ARID2: variants seen among roughly 807,000 people sequenced by gnomAD.
ARID2 encodes AT-rich interactive domain-containing protein 2.
In ARID2, 32 loss-of-function variants were observed where a neutral mutation model predicts 184.6. That is an observed-to-expected ratio of 0.17 (90% CI 0.13 to 0.23). ARID2 has a LOEUF of 0.23. ARID2 is among the 10% of genes least tolerant of loss of function. ARID2 has a pLI of 1.00. For synonymous variants in ARID2, 836 were observed against 772.6 expected, an observed-to-expected ratio of 1.08 and a Z score of -1.36; for missense variants, 1,696 against 2,197.6, an observed-to-expected ratio of 0.77 and a Z score of 4.56.
At chr12:45,821,284 T>C (rs915058331) in intron 5 of ARID2, 136 bp from the exon 6 acceptor site, 38 of 455,880 alleles carry the variant, frequency 8.3e-5, no homozygotes, top group Admixed American at 2.6e-4. Context: ...GACTATCATT[T>C]ACTATAAAAT....
At chr12:45,792,942 T>G (rs190250459) in intron 3 of ARID2, among the ~76,000 whole-genome samples, 29 of 152,326 alleles carry the variant, frequency 1.9e-4, no homozygotes, top group Non-Finnish European at 3.4e-4. Context: ...AATTGGAGGA[T>G]CTTTTTAAAA....
At chr12:45,791,372 A>T (rs551040670) in intron 3 of ARID2, among the ~76,000 whole-genome samples, 1 of 152,342 alleles carries the variant, frequency 6.6e-6, no homozygotes, top group South Asian at 2.1e-4. Flanking sequence ...ATTACATTTT[A>T]AAAATGTTAG....
At chr12:45,731,522 A>G (rs982189628) in intron 3 of ARID2, among the ~76,000 whole-genome samples, 1 of 152,190 alleles carries the variant, frequency 6.6e-6, no homozygotes. Context: ...TACATTTTTC[A>G]TACAAAATCA....
intron 4 of ARID2, among the ~76,000 whole-genome samples, chr12:45,813,626 G>T (rs1942753551): frequency 6.6e-6 from 1 of 151,960 alleles, no homozygotes; most frequent in South Asian, 2.1e-4. Context: ...TACTTTTATT[G>T]TTGACATTAA....
At chr12:45,837,830 T>A in intron 10 of ARID2, 123 bp downstream of exon 10, 1 of 730,464 alleles carries the variant, frequency 1.4e-6, no homozygotes, top group Middle Eastern at 2.7e-4. Context: ...CATTACCTCC[T>A]CAGGCATACT....
intron 3 of ARID2, among the ~76,000 whole-genome samples, chr12:45,797,056 GT>G (rs1389314673): frequency 6.6e-6 from 1 of 151,944 alleles, no homozygotes; most frequent in African/African-American, 2.4e-5. Context: ...ATATTACTTT[GT>G]TTTAAAAAAT....
At chr12:45,740,975 C>T (rs1941242586) in intron 3 of ARID2, among the ~76,000 whole-genome samples, 3 of 152,130 alleles carry the variant, frequency 2.0e-5, no homozygotes, top group Admixed American at 1.3e-4. Flanking sequence ...ACCATTTTCT[C>T]TTTTTGAATT....
At position 45,893,514 on chromosome 12, in the gene ARID2, T is replaced by A. The variant is rs1944330807; in HGVS notation, c.5242T>A (p.Ser1748Thr). The A allele has an allele frequency of 1.9e-6, 3 of 1,613,842 alleles. No homozygotes were observed. Among genetic ancestry groups the A allele is most frequent in the Non-Finnish European group, 2.5e-6 (3 of 1,179,852 alleles). Residue 1748 changes from serine to threonine, a missense_variant, in exon 19 of 21, where the codon TCA becomes ACA. Ser to Thr is a moderately conservative substitution (Grantham distance 58, BLOSUM62 1). This residue lies in a region of ARID2 where 69 missense variants were observed against 118.2 expected (regional missense o/e 0.58). Transcript: ENST00000334344. ...SAALMALRRGSRNLVFRDFTD... is the reference protein window; with the variant it reads ...SAALMALRRGTRNLVFRDFTD... ...TGCACTTATGGCTCTGAGGAGAGGA[T>A]CAAGAAACCTTGTCTTTCGAGATTT... is the stretch of plus-strand genomic sequence containing the variant.
intron 3 of ARID2, among the ~76,000 whole-genome samples, chr12:45,779,952 A>G (rs1176542008): frequency 2.6e-5 from 4 of 152,144 alleles, no homozygotes; most frequent in Non-Finnish European, 4.4e-5. Flanking sequence ...CAATATTTAT[A>G]TTGGATAAAT....
intron 3 of ARID2, among the ~76,000 whole-genome samples, chr12:45,733,532 AT>A (rs1190907478): frequency 1.3e-5 from 2 of 152,192 alleles, no homozygotes; most frequent in Non-Finnish European, 1.5e-5. Flanking sequence ...AAGTGGAATA[AT>A]TTTTTAATAT....
intron 3 of ARID2, among the ~76,000 whole-genome samples, chr12:45,735,178 AG>A (rs1181934676): frequency 2.0e-5 from 3 of 151,732 alleles, no homozygotes; most frequent in Non-Finnish European, 4.4e-5. Flanking sequence ...TACATTTGTT[AG>A]TTAAATTGAA....
At chr12:45,785,596 A>T (rs1942181684) in intron 3 of ARID2, among the ~76,000 whole-genome samples, 1 of 152,204 alleles carries the variant, frequency 6.6e-6, no homozygotes, top group East Asian at 1.9e-4. Context: ...TAATCCGAAA[A>T]GCTCCAAAAT....
Position 45,780,644 on chromosome 12 carries a change from G to A in ARID2, c.285-30774G>A, listed in dbSNP as rs991402401. ...TATTATTATTATTTTTGGAGACGGA[G>A]TCTTGCTCTTATTGCCTAGGCTGGG... On this transcript the variant is annotated intron_variant, in intron 3 of 20. Coordinates refer to ENST00000334344, the MANE Select transcript of ARID2 (RefSeq NM_152641.4). Among the ~76,000 whole-genome samples, 5 of 152,018 alleles carry A rather than the reference G, an allele frequency of 3.3e-5. No individual in the cohort carries two copies. In the East Asian group the frequency reaches 9.6e-4, roughly 29 times the overall value.
In ARID2 at chr12:45,836,742, A is replaced by T. The variant is rs201031100; in HGVS notation, c.774A>T (p.Glu258Asp). The part of the protein sequence containing the change: ...DLISDRNKSH[E>D]GTSGEWIWES... ...TGAAATATGTATTTTCTATTGTAGA[A>T]GGTACATCAGGAGAATGGATTTGGG... The change falls in exon 8 of 21, where the codon GAA becomes GAT. Residue 258 changes from glutamate (E) to aspartate (D), a missense_variant and splice_region_variant. By Grantham distance (45) the Glu-to-Asp change is conservative (BLOSUM62 2). Transcript: ENST00000334344. The T allele has an allele frequency of 6.2e-7, 1 of 1,610,548 alleles. No individual in the cohort carries two copies. The highest frequency in any genetic ancestry group is 8.5e-7 in the Non-Finnish European group (1 of 1,177,978).
intron 20 of ARID2, among the ~76,000 whole-genome samples, chr12:45,900,717 C>A (rs146358402): frequency 6.6e-6 from 1 of 152,148 alleles, no homozygotes; most frequent in East Asian, 1.9e-4. Context: ...ATTTAAGACC[C>A]TACATGCCTA....
intron 3 of ARID2, among the ~76,000 whole-genome samples, chr12:45,746,166 A>C (rs887834997): frequency 6.6e-6 from 1 of 150,916 alleles, no homozygotes; most frequent in Non-Finnish European, 1.5e-5. Flanking sequence ...AATGAAGAGT[A>C]GTGGTGCAAT....
rs756036744 is a variant in ARID2 at position 45,849,747 on chromosome 12, C to T, written c.1883C>T (p.Pro628Leu). 4.3e-6 allele frequency: 7 copies of T among 1,613,238 alleles called. No individual in the cohort carries two copies. In the Admixed American group the frequency reaches 1.2e-4, roughly 27 times the overall value. The change falls in exon 14 of 21, where the codon CCT becomes CTT. Residue 628 changes from proline (P) to leucine (L), a missense_variant. Physicochemically the swap from Pro to Leu is moderately conservative, Grantham distance 98. Transcript: ENST00000334344. ...STSVVRVDSV[P>L]DVSPAPSPAG... ...TCTGTTGTTCGTGTTGATTCTGTTC[C>T]TGATGTATCTCCTGCTCCTTCACCT...
At chr12:45,840,921 G>A (rs924245326) in intron 11 of ARID2, 1 of 152,122 alleles carries the variant, frequency 6.6e-6, no homozygotes, top group African/African-American at 2.4e-5. Flanking sequence ...ATAACAGAAG[G>A]CACAAAATAG....
chr12:45,801,443 T>C (rs1942500334), intron 3 of ARID2, among the ~76,000 whole-genome samples: 1 of 152,216 alleles, frequency 6.6e-6, no homozygotes, highest in Admixed American at 6.5e-5. Flanking sequence ...AAAGTGTTTT[T>C]CTGTAAATTA....
Sources: allele counts gnomAD v4.1 joint callset (sites outside exome capture counted in the v4.1 genomes callset), GRCh38; gene constraint gnomAD v4.1.1; regional missense constraint gnomAD v4.1.1; transcripts MANE v1.5; gene names NCBI Gene and HGNC (gene_info 2026-07-23, HGNC 2026-07-21).